Variants in NPEPPS observed in about 807,000 individuals in gnomAD.
The protein encoded by NPEPPS is puromycin-sensitive aminopeptidase.
NPEPPS carries 14 observed loss-of-function variants against 115.5 expected under a neutral mutation model. That is an observed-to-expected ratio of 0.12 (90% CI 0.08 to 0.19). NPEPPS has a LOEUF of 0.19. NPEPPS is among the 10% of genes least tolerant of loss of function. The pLI, the probability that NPEPPS is intolerant of heterozygous loss-of-function variation, is 1.00. For missense variants in NPEPPS, 523 were observed against 1,110.8 expected, an observed-to-expected ratio of 0.47 and a Z score of 7.52; for synonymous variants, 285 against 390.6, an observed-to-expected ratio of 0.73 and a Z score of 3.19.
chr17:47,583,173 AT>A (rs1047307624), intron 5 of NPEPPS, among the ~76,000 whole-genome samples: 10 of 151,886 alleles, frequency 6.6e-5, no homozygotes, highest in African/African-American at 1.9e-4. Flanking sequence ...TGATAGCTTT[AT>A]TTTTGGAGGA....
chr17:47,600,199 C>T (rs1296864312), intron 14 of NPEPPS, among the ~76,000 whole-genome samples: 1 of 152,090 alleles, frequency 6.6e-6, no homozygotes, highest in African/African-American at 2.4e-5. Flanking sequence ...ATTGGGAGGC[C>T]AAGGTGGTCA....
rs749901711 is a variant in NPEPPS, at chr17:47,612,578, T to C, written c.2214T>C (p.Ile738=). ...RFKDHVEGKQ[I]LSADLRSPVY... is the part of the protein sequence containing the mutation. ...AGGACCACGTGGAAGGAAAACAGAT[T>C]CTCTCCGCTGATCTGAGGAGTCCTG... The change falls in exon 18 of 23, where the codon ATT becomes ATC. Residue 738 remains isoleucine (I), a synonymous_variant. Coordinates refer to ENST00000322157, the MANE Select transcript of NPEPPS (RefSeq NM_006310.4). 1.9e-6 allele frequency: 3 copies of C among 1,613,860 alleles called. No individual in the cohort carries two copies. In the Admixed American group the frequency reaches 5.0e-5, roughly 27 times the overall value.
At chr17:47,556,969 C>CT (rs1303484414) in intron 2 of NPEPPS, among the ~76,000 whole-genome samples, 1 of 152,154 alleles carries the variant, frequency 6.6e-6, no homozygotes, top group African/African-American at 2.4e-5. Context: ...GATCCCAGAT[C>CT]TTTTTCAGTT....
chr17:47,617,869 A>C (rs573120426), intron 19 of NPEPPS, among the ~76,000 whole-genome samples: 1 of 135,556 alleles, frequency 7.4e-6, no homozygotes, highest in South Asian at 2.6e-4. Context: ...TTTAGTGCCA[A>C]AGCATCATTT....
At chr17:47,596,208 G>A in intron 12 of NPEPPS, 145 bp from the exon 13 acceptor site, 1 of 547,384 alleles carries the variant, frequency 1.8e-6, no homozygotes, top group Non-Finnish European at 3.3e-6. Context: ...GGGGTGGCAA[G>A]GGGAATGTTA....
At chr17:47,587,895 TATA>T (rs1294122957) in intron 9 of NPEPPS, among the ~76,000 whole-genome samples, 4 of 151,372 alleles carry the variant, frequency 2.6e-5, no homozygotes, top group African/African-American at 9.7e-5. Flanking sequence ...TTGAAATCCT[TATA>T]ATGTTTGCAG....
chr17:47,610,200 C>T (rs1321257808), intron 17 of NPEPPS, among the ~76,000 whole-genome samples: 1 of 142,252 alleles, frequency 7.0e-6, no homozygotes, highest in Non-Finnish European at 1.5e-5. Context: ...GCCTTGTGTC[C>T]ACTGGCAGTC....
chr17:47,614,596 A>G (rs909083663), intron 19 of NPEPPS, among the ~76,000 whole-genome samples: 24 of 152,222 alleles, frequency 1.6e-4, no homozygotes, highest in African/African-American at 5.8e-4. Context: ...AAAACTTTCC[A>G]TGTCCTCATA....
At chr17:47,591,031 T>C in intron 10 of NPEPPS, 150 bp downstream of exon 10, 1 of 1,293,562 alleles carries the variant, frequency 7.7e-7, no homozygotes, top group South Asian at 1.7e-5. Flanking sequence ...GAAAAGCTAG[T>C]AAGTCTAAGT....
intron 2 of NPEPPS, among the ~76,000 whole-genome samples, chr17:47,563,497 T>TTA (rs1041613397): frequency 1.3e-5 from 2 of 152,236 alleles, no homozygotes; most frequent in Admixed American, 1.3e-4. Flanking sequence ...GCAAAAGCTG[T>TTA]TATATATATG....
At chr17:47,593,892 T>C (rs1381138621) in intron 12 of NPEPPS, among the ~76,000 whole-genome samples, 6 of 152,148 alleles carry the variant, frequency 3.9e-5, no homozygotes, top group Non-Finnish European at 5.9e-5. Flanking sequence ...CTGGCTGATA[T>C]GCCTATAATC....
At position 47,594,629 on chromosome 17, in the gene NPEPPS, A is replaced by ATGTTATGTTATGTTATGT. The variant is rs1312289283; in HGVS notation, c.1427-1708_1427-1707insGTTGTTATGTTATGTTAT. ...ATGTTATGTTATGTTATGTTATGTT[A>ATGTTATGTTATGTTATGT]TGTTATGTTATGTTATTTTTTGAGA... On this transcript the variant is annotated intron_variant, in intron 12 of 22. Coordinates refer to ENST00000322157, the MANE Select transcript of NPEPPS (RefSeq NM_006310.4). Among the ~76,000 whole-genome samples the ATGTTATGTTATGTTATGT allele has an allele frequency of 3.3e-4, 48 of 144,878 alleles. 1 individual carries two copies. Among genetic ancestry groups the ATGTTATGTTATGTTATGT allele is most frequent in the African/African-American group, 1.2e-3 (46 of 38,594 alleles).
chr17:47,565,505 CAAA>C (rs1172238090), intron 2 of NPEPPS, among the ~76,000 whole-genome samples: 26 of 64,488 alleles, frequency 4.0e-4, no homozygotes, highest in Middle Eastern at 0.012. Context: ...GACTCCATCT[CAAA>C]AAAAAAAAAA....
chr17:47,563,722 C>T (rs1910606107), intron 2 of NPEPPS, among the ~76,000 whole-genome samples: 1 of 152,058 alleles, frequency 6.6e-6, no homozygotes, highest in Non-Finnish European at 1.5e-5. Context: ...AGGCACGTGC[C>T]ACCACACCCA....
intron 1 of NPEPPS, among the ~76,000 whole-genome samples, chr17:47,545,238 C>G (rs1008410037): frequency 9.2e-5 from 14 of 152,126 alleles, no homozygotes; most frequent in Non-Finnish European, 1.9e-4. Flanking sequence ...CTCAAGTAAT[C>G]CTCCTGCCTC....
chr17:47,578,866 A>G (rs1347420478), intron 3 of NPEPPS, among the ~76,000 whole-genome samples: 4 of 152,078 alleles, frequency 2.6e-5, no homozygotes, highest in African/African-American at 9.7e-5. Flanking sequence ...AAGTTGTGTA[A>G]AAGGACCAAT....
intron 2 of NPEPPS, among the ~76,000 whole-genome samples, chr17:47,553,142 G>A (rs539354184): frequency 3.3e-5 from 5 of 152,052 alleles, no homozygotes; most frequent in Non-Finnish European, 5.9e-5. Flanking sequence ...CGAGGCGGGC[G>A]GCTCACCTAA....
At chr17:47,536,384 CTCTCT>C (rs1481899994) in intron 1 of NPEPPS, among the ~76,000 whole-genome samples, 2 of 67,656 alleles carry the variant, frequency 3.0e-5, no homozygotes, top group Non-Finnish European at 7.4e-5. Context: ...TGCATATTTT[CTCTCT>C]TTTTTTTTTT....
chr17:47,572,552 C>T (rs1911262546), intron 3 of NPEPPS, among the ~76,000 whole-genome samples: 1 of 150,848 alleles, frequency 6.6e-6, no homozygotes, highest in Admixed American at 6.6e-5. Context: ...GTTCATTAAA[C>T]AAGGACAGGA....
Sources: allele counts gnomAD v4.1 joint callset (sites outside exome capture counted in the v4.1 genomes callset), GRCh38; gene constraint gnomAD v4.1.1; transcripts MANE v1.5; gene names NCBI Gene and HGNC (gene_info 2026-07-23, HGNC 2026-07-21).